Variants in SEMA6D observed in about 807,000 individuals in gnomAD.
The protein encoded by SEMA6D is semaphorin-6D.
A neutral mutation model predicts 106.6 loss-of-function variants in SEMA6D; 35 were observed. The ratio of observed to expected loss-of-function variants is 0.33; its 90% CI spans 0.25 to 0.44. SEMA6D has a LOEUF of 0.44. Ranked by LOEUF, SEMA6D falls within the 20% of genes least tolerant of loss-of-function variation. The pLI, the probability that SEMA6D is intolerant of heterozygous loss-of-function variation, is 1.00. For synonymous variants in SEMA6D, 499 were observed against 487.7 expected (o/e 1.02, Z -0.31); for missense variants, 1,185 against 1,345.9 (o/e 0.88, Z 1.87).
intron 2 of SEMA6D, among the ~76,000 whole-genome samples, chr15:47,431,138 G>A (rs986965370): frequency 5.9e-5 from 9 of 151,918 alleles, no homozygotes; most frequent in African/African-American, 2.2e-4. Context: ...GAAAACTATT[G>A]GGCTCATGGT....
chr15:47,307,854 C>T lies in SEMA6D; in HGVS notation c.-238-104539C>T, dbSNP rs897229. ...GTAATTATGCTTCATTACTTAAAAC[C>T]GTATTCTCAAAGATATTTACGAGAA... On this transcript the variant is annotated intron_variant, in intron 1 of 19. Coordinates refer to the SEMA6D transcript ENST00000558014. Among the ~76,000 whole-genome samples, 8,832 of 152,106 alleles carry T rather than the reference C, an allele frequency of 0.058. 1,226 individuals carry two copies. The East Asian group carries it at 0.6, about 10-fold the overall frequency.
At chr15:47,268,043 G>T (rs992947892) in intron 1 of SEMA6D, among the ~76,000 whole-genome samples, 1 of 152,068 alleles carries the variant, frequency 6.6e-6, no homozygotes, top group Admixed American at 6.6e-5. Context: ...AGCTTATTAG[G>T]AATACAGAAT....
chr15:47,298,899 T>G (rs1031795434), intron 1 of SEMA6D, among the ~76,000 whole-genome samples: 6 of 152,214 alleles, frequency 3.9e-5, no homozygotes, highest in African/African-American at 1.4e-4. Flanking sequence ...CTTTAGACAT[T>G]GTGCTGCTTT....
chr15:47,684,419 C>G (rs1006784641), intron 4 of SEMA6D, among the ~76,000 whole-genome samples: 1 of 151,838 alleles, frequency 6.6e-6, no homozygotes, highest in African/African-American at 2.4e-5. Context: ...ATTTAGTTAT[C>G]GCTGTATCAG....
intron 4 of SEMA6D, among the ~76,000 whole-genome samples, chr15:47,696,827 C>G (rs1030100316): frequency 3.9e-5 from 6 of 152,142 alleles, no homozygotes; most frequent in Non-Finnish European, 7.4e-5. Context: ...ATAGTAATAT[C>G]TGTCTCATAG....
chr15:47,679,182 T>G (rs1021612708), intron 4 of SEMA6D, among the ~76,000 whole-genome samples: 1 of 152,278 alleles, frequency 6.6e-6, no homozygotes, highest in Non-Finnish European at 1.5e-5. Flanking sequence ...TGTTTTACTA[T>G]AAATTCAGTT....
intron 15 of SEMA6D, 37 bp from the exon 16 acceptor site, chr15:47,766,579 T>C (rs1227322069): frequency 6.2e-7 from 1 of 1,609,308 alleles, no homozygotes; most frequent in East Asian, 2.2e-5. Flanking sequence ...CTATGAAGGC[T>C]GTTAACCGAA....
At chr15:47,238,811 A>T (rs929186404) in intron 1 of SEMA6D, among the ~76,000 whole-genome samples, 6 of 152,172 alleles carry the variant, frequency 3.9e-5, no homozygotes, top group African/African-American at 1.4e-4. Flanking sequence ...TGAAGAATCA[A>T]GATGAGAACT....
chr15:47,497,283 G>C (rs775614558), intron 3 of SEMA6D, among the ~76,000 whole-genome samples: 1 of 151,044 alleles, frequency 6.6e-6, no homozygotes, highest in Non-Finnish European at 1.5e-5. Context: ...TTTTTAGACT[G>C]TTGTCCTCAA....
chr15:47,488,099 G>T (rs559603725), intron 3 of SEMA6D, among the ~76,000 whole-genome samples: 1 of 151,986 alleles, frequency 6.6e-6, no homozygotes, highest in Admixed American at 6.6e-5. Context: ...TCATCTGTTT[G>T]TACATTCCTG....
At chr15:47,452,090 C>G (rs887604830) in intron 2 of SEMA6D, among the ~76,000 whole-genome samples, 1 of 152,008 alleles carries the variant, frequency 6.6e-6, no homozygotes, top group Non-Finnish European at 1.5e-5. Context: ...AACTCCCCTA[C>G]TAACCTCTTA....
chr15:47,668,446 A>G (rs1156972126), intron 4 of SEMA6D, among the ~76,000 whole-genome samples: 2 of 152,172 alleles, frequency 1.3e-5, no homozygotes, highest in African/African-American at 4.8e-5. Context: ...GCTGCGTAAT[A>G]TATGAGCTCT....
intron 4 of SEMA6D, among the ~76,000 whole-genome samples, chr15:47,685,147 C>T (rs146949964): frequency 1.3e-5 from 2 of 152,174 alleles, no homozygotes; most frequent in African/African-American, 2.4e-5. Context: ...TCTTTCCAAG[C>T]GGTCTGTTTC....
intron 3 of SEMA6D, among the ~76,000 whole-genome samples, chr15:47,570,240 C>T (rs922917102): frequency 1.4e-4 from 22 of 152,108 alleles, no homozygotes. Flanking sequence ...TCTTTTGTGC[C>T]CTGTGATTGA....
At chr15:47,438,982 G>A (rs1378732619) in intron 2 of SEMA6D, among the ~76,000 whole-genome samples, 1 of 151,842 alleles carries the variant, frequency 6.6e-6, no homozygotes, top group Non-Finnish European at 1.5e-5. Flanking sequence ...TGGTATGGTG[G>A]GATGACATTT....
intron 2 of SEMA6D, among the ~76,000 whole-genome samples, chr15:47,440,246 A>G (rs1166231207): frequency 6.6e-6 from 1 of 152,094 alleles, no homozygotes; most frequent in Non-Finnish European, 1.5e-5. Flanking sequence ...AGAGAACTCA[A>G]AAGATGGCTT....
chr15:47,599,717 T>G (rs1304785410), intron 3 of SEMA6D, among the ~76,000 whole-genome samples: 1 of 152,130 alleles, frequency 6.6e-6, no homozygotes, highest in Admixed American at 6.6e-5. Context: ...TATTCTTGAA[T>G]GTGGACTTTT....
At chr15:47,370,470 G>A (rs946617852) in intron 1 of SEMA6D, among the ~76,000 whole-genome samples, 2 of 151,970 alleles carry the variant, frequency 1.3e-5, no homozygotes, top group South Asian at 2.1e-4. Flanking sequence ...AGCCGACATC[G>A]AGCCACTGCA....
chr15:47,404,475 G>A (rs548631004), intron 1 of SEMA6D, among the ~76,000 whole-genome samples: 1 of 152,226 alleles, frequency 6.6e-6, no homozygotes, highest in South Asian at 2.1e-4. Context: ...TCGATCACAG[G>A]ACCATCTGAT....
Sources: gnomAD v4.1 joint callset for allele counts (sites outside exome capture counted in the v4.1 genomes callset) on GRCh38, gnomAD v4.1.1 for gene constraint, MANE v1.5 for transcripts, NCBI Gene and HGNC (gene_info 2026-07-23, HGNC 2026-07-21) for gene names.